The following MSR1 variants were observed in gnomAD, a reference collection of about 807,000 sequenced individuals.
The protein encoded by MSR1 is macrophage scavenger receptor 1, also known as macrophage scavenger receptor types I and II.
MSR1 carries 53 observed loss-of-function variants against 47.2 expected under a neutral mutation model. That is an observed-to-expected ratio of 1.12 (90% CI 0.90 to 1.41). The LOEUF (loss-of-function observed/expected upper bound fraction) is 1.41. MSR1 is among the 40% of genes most tolerant of loss of function. The pLI is 0.00. For synonymous variants in MSR1, 239 were observed against 185.6 expected (o/e 1.29, Z -2.34); for missense variants, 786 against 546.9 (o/e 1.44, Z -4.36).
chr8:16,135,331 C>G (rs1002792580), intron 8 of MSR1, among the ~76,000 whole-genome samples: 1 of 152,058 alleles, frequency 6.6e-6, no homozygotes, highest in African/African-American at 2.4e-5. Context: ...TTCTAGGGCC[C>G]TTATGAGTTA....
Position 16,129,018 on chromosome 8 carries a change from G to A in MSR1, c.1034-8412C>T, listed in dbSNP as rs565246607. On this transcript the variant is annotated intron_variant, in intron 8 of 9. Coordinates refer to ENST00000262101, the MANE Select transcript of MSR1 (RefSeq NM_138715.3). ...GTGAGAATGCAACAGGGAAGAGTTC[G>A]AGGTGGAAGATGTTTTATAATAAAA... 2.0e-5 allele frequency among the ~76,000 whole-genome samples: 3 copies of A among 152,214 alleles called. No individual in the cohort carries two copies. The South Asian group carries it at 6.2e-4, about 32-fold the overall frequency.
intron 1 of MSR1, among the ~76,000 whole-genome samples, chr8:16,178,591 A>G (rs1193873274): frequency 2.0e-5 from 3 of 152,196 alleles, no homozygotes; most frequent in African/African-American, 7.2e-5. Context: ...TTATACCAGC[A>G]TGATTTATAA....
chr8:16,144,916 T>C (rs1800658173), intron 7 of MSR1, among the ~76,000 whole-genome samples: 1 of 152,110 alleles, frequency 6.6e-6, no homozygotes, highest in Admixed American at 6.6e-5. Flanking sequence ...ATTTCTCTAG[T>C]TTACATTGTC....
At chr8:16,112,023 C>T (rs1257301696) in intron 9 of MSR1, among the ~76,000 whole-genome samples, 1 of 152,072 alleles carries the variant, frequency 6.6e-6, no homozygotes, top group African/African-American at 2.4e-5. Flanking sequence ...GACTGACTTC[C>T]TGGGAGGGCT....
chr8:16,145,609 T>A (rs1322545700), intron 7 of MSR1, among the ~76,000 whole-genome samples: 2 of 152,158 alleles, frequency 1.3e-5, no homozygotes, highest in African/African-American at 4.8e-5. Flanking sequence ...TCAGATTCTA[T>A]GATAAATAAA....
intron 9 of MSR1, among the ~76,000 whole-genome samples, chr8:16,120,157 C>A (rs1019172657): frequency 6.6e-6 from 1 of 151,880 alleles, no homozygotes; most frequent in Non-Finnish European, 1.5e-5. Context: ...GCGGGCAGAT[C>A]ACGAGGTCAG....
chr8:16,170,975 C>A (rs1038463717), intron 3 of MSR1, among the ~76,000 whole-genome samples: 1 of 152,094 alleles, frequency 6.6e-6, no homozygotes. Context: ...GTATTTACTA[C>A]CTTTACTTAA....
At chr8:16,113,263 T>C (rs1468760713) in intron 9 of MSR1, among the ~76,000 whole-genome samples, 1 of 151,980 alleles carries the variant, frequency 6.6e-6, no homozygotes, top group Non-Finnish European at 1.5e-5. Flanking sequence ...TTCACCTCTT[T>C]TTAAAAAATG....
chr8:16,164,230 G>T lies in MSR1; in HGVS notation c.652C>A (p.Arg218Ser), dbSNP rs770076920. Residue 218 changes from arginine to serine, a missense_variant, in exon 5 of 10, where the codon CGT (arginine) becomes AGT (serine). Arg to Ser is a moderately radical substitution (Grantham distance 110). Transcript: ENST00000262101. Reference protein sequence around the residue: ...QQEEISKLEERVYNVSAEIMA... With the variant: ...QQEEISKLEESVYNVSAEIMA... The stretch of plus-strand genomic sequence containing the variant: ...ATTTCTGCTGATACATTGTAAACAC[G>T]CTCCTCTAATTTACTGATTTCCTGT... 3.7e-6 allele frequency: 6 copies of T among 1,611,362 alleles called. No individual in the cohort carries two copies. In the Admixed American group the frequency reaches 6.7e-5, roughly 18 times the overall value.
intron 8 of MSR1, among the ~76,000 whole-genome samples, chr8:16,134,117 T>TTTTC (rs1346166096): frequency 6.6e-6 from 1 of 152,222 alleles, no homozygotes; most frequent in Non-Finnish European, 1.5e-5. Context: ...ACATTGTGCC[T>TTTTC]ATAAACTTTT....
chr8:16,159,194 A>C (rs940189911), intron 5 of MSR1, among the ~76,000 whole-genome samples: 3 of 151,514 alleles, frequency 2.0e-5, no homozygotes, highest in Non-Finnish European at 4.4e-5. Flanking sequence ...TACTATAAAA[A>C]TCAATATTTC....
chr8:16,146,249 C>G (rs568119392), intron 7 of MSR1, among the ~76,000 whole-genome samples: 79 of 152,162 alleles, frequency 5.2e-4, no homozygotes, highest in African/African-American at 1.8e-3. Context: ...GAATTCCTCA[C>G]CTTATAACCA....
At position 16,108,789 on chromosome 8, in the gene MSR1, A is replaced by C. The variant is rs1238289891; in HGVS notation, c.*1296T>G. The C allele has an allele frequency of 6.6e-6, 1 of 152,116 alleles. No homozygotes were observed. Among genetic ancestry groups the C allele is most frequent in the African/African-American group, 2.4e-5 (1 of 41,430 alleles). 9.4% of individuals were successfully genotyped at this position (152,116 alleles called of 1,614,324 possible). A position where few individuals can be genotyped will look rare whatever the true frequency, so the allele number is the denominator to read the frequency against. On this transcript the variant is annotated 3_prime_UTR_variant, in exon 10 of 10. Coordinates refer to ENST00000262101, the MANE Select transcript of MSR1 (RefSeq NM_138715.3). ...TAAGTTGGACGGCTGTGAGTCTACC[A>C]CTTGGTTATTATGTGTGGTGAGACT...
chr8:16,125,963 T>G (rs2117073886), intron 8 of MSR1, among the ~76,000 whole-genome samples: 1 of 152,218 alleles, frequency 6.6e-6, no homozygotes, highest in Admixed American at 6.5e-5. Flanking sequence ...CAAATACTTG[T>G]AATCAAGATG....
intron 1 of MSR1, among the ~76,000 whole-genome samples, chr8:16,184,906 A>T (rs929601088): frequency 4.6e-5 from 7 of 152,132 alleles, no homozygotes; most frequent in African/African-American, 1.7e-4. Context: ...CTGAAAAAGG[A>T]AAACCACCTA....
At chr8:16,178,660 A>G (rs1218318846) in intron 1 of MSR1, among the ~76,000 whole-genome samples, 4 of 152,090 alleles carry the variant, frequency 2.6e-5, no homozygotes, top group African/African-American at 4.8e-5. Context: ...TCTAGTTCTA[A>G]ATCCCTGAGG....
intron 7 of MSR1, among the ~76,000 whole-genome samples, chr8:16,149,452 C>T (rs1800786494): frequency 6.6e-6 from 1 of 151,852 alleles, no homozygotes; most frequent in African/African-American, 2.4e-5. Context: ...TCGTCTCAAA[C>T]TCCTGAGCTA....
intron 2 of MSR1, among the ~76,000 whole-genome samples, chr8:16,175,944 T>C (rs947362288): frequency 6.6e-6 from 1 of 152,194 alleles, no homozygotes; most frequent in African/African-American, 2.4e-5. Flanking sequence ...TTTATTCATA[T>C]GCATTTATAT....
chr8:16,143,939 C>T (rs1800629458), intron 7 of MSR1, among the ~76,000 whole-genome samples: 1 of 152,068 alleles, frequency 6.6e-6, no homozygotes, highest in Admixed American at 6.5e-5. Context: ...TACTCACACC[C>T]CCAGGAAGTC....
Sources: gnomAD v4.1 joint callset for allele counts (sites outside exome capture counted in the v4.1 genomes callset) on GRCh38, gnomAD v4.1.1 for gene constraint, MANE v1.5 for transcripts, NCBI Gene and HGNC (gene_info 2026-07-23, HGNC 2026-07-21) for gene names.